ARHGEF4: variants seen among roughly 807,000 people sequenced by gnomAD.
ARHGEF4 encodes Rho guanine nucleotide exchange factor 4.
Under a neutral mutation model 162.0 loss-of-function variants are expected in ARHGEF4, and 119 were observed. The observed-to-expected ratio is 0.73, with a 90% CI of 0.63 to 0.86. The LOEUF is 0.86. ARHGEF4 is among the 40% of genes least tolerant of loss of function. The pLI is 0.00. For synonymous variants in ARHGEF4, 1,014 were observed against 979.9 expected (o/e 1.03, Z -0.65); for missense variants, 2,488 against 2,456.0 (o/e 1.01, Z -0.28).
chr2:130,880,043 A>G (rs1679095166), intron 1 of ARHGEF4, among the ~76,000 whole-genome samples: 1 of 152,200 alleles, frequency 6.6e-6, no homozygotes, highest in Admixed American at 6.5e-5. Context: ...ATTGTGAACC[A>G]CGCTCACACA....
intron 1 of ARHGEF4, among the ~76,000 whole-genome samples, chr2:130,866,950 T>A (rs2104919909): frequency 6.6e-6 from 1 of 152,342 alleles, no homozygotes; most frequent in Non-Finnish European, 1.5e-5. Flanking sequence ...GTATCATTTG[T>A]TCCTTCAATG....
Position 130,917,339 on chromosome 2 carries a change from G to C in ARHGEF4, c.3393G>C (p.Gly1131=), listed in dbSNP as rs981519648. 1.2e-5 allele frequency: 18 copies of C among 1,550,398 alleles called. No individual in the cohort carries two copies. In the African/African-American group the frequency reaches 2.5e-4, roughly 21 times the overall value. Residue 1131 remains glycine (G), a synonymous_variant, in exon 2 of 14, where the codon GGG becomes GGC. Transcript: ENST00000409359. ...GSYSYVDSSS[G]DPERPKIPKG... is the part of the protein sequence containing the mutation. Reference sequence around the variant, plus strand: ...ACAGCTACGTGGACAGCAGTTCAGGGGACCCTGAAAGACCCAAGATTCCCA... The same window carrying C: ...ACAGCTACGTGGACAGCAGTTCAGGCGACCCTGAAAGACCCAAGATTCCCA...
At position 130,915,767 on chromosome 2, in the gene ARHGEF4, G is replaced by C; in HGVS notation, c.1821G>C (p.Gly607=). ...CCGGGGCTGAGGAGGGTGAACAGGGGCCTGGGGGTGCCGGGGGCCGGCAGC... is the reference window on the plus strand; with the variant it reads ...CCGGGGCTGAGGAGGGTGAACAGGGCCCTGGGGGTGCCGGGGGCCGGCAGC... ...CGPGAEEGEQ[G]PGGAGGRQLE... Residue 607 remains glycine, a synonymous_variant, in exon 2 of 14, where the codon GGG becomes GGC. Coordinates refer to ENST00000409359, the MANE Select transcript of ARHGEF4 (RefSeq NM_001367493.1). 4 of 1,531,470 alleles carry C rather than the reference G, an allele frequency of 2.6e-6. No individual in the cohort carries two copies. The highest frequency in any genetic ancestry group is 3.5e-6 in the Non-Finnish European group (4 of 1,137,806). The allele number at this position is 1,531,470 out of a possible 1,614,324, so 94.9% of individuals were successfully genotyped here.
chr2:130,926,048 C>CTTTCTCTCTCTCTCTTTCTTTCTT, intron 2 of ARHGEF4, among the ~76,000 whole-genome samples: 1 of 53,412 alleles, frequency 1.9e-5, no homozygotes, highest in African/African-American at 6.2e-5. Flanking sequence ...TTCTTTCTTT[C>CTTTCTCTCTCTCTCTTTCTTTCTT]TCTTTCTTTC....
intron 8 of ARHGEF4, 27 bp from the exon 9 acceptor site, chr2:131,041,203 C>A: frequency 6.3e-7 from 1 of 1,598,348 alleles, no homozygotes; most frequent in Non-Finnish European, 8.5e-7. Context: ...GCAGAGAGCT[C>A]TGCTAACCTC....
At chr2:131,017,823 C>T (rs1688862288) in intron 4 of ARHGEF4, among the ~76,000 whole-genome samples, 1 of 152,136 alleles carries the variant, frequency 6.6e-6, no homozygotes, top group Admixed American at 6.6e-5. Context: ...ATTCTGTGTT[C>T]ATGGATGGGA....
chr2:130,906,955 A>G (rs2105031134), intron 1 of ARHGEF4, among the ~76,000 whole-genome samples: 1 of 152,234 alleles, frequency 6.6e-6, no homozygotes, highest in Middle Eastern at 3.4e-3. Flanking sequence ...GATTTTGGCA[A>G]ATTTATATCA....
At chr2:130,894,798 C>T (rs1347452260) in intron 1 of ARHGEF4, among the ~76,000 whole-genome samples, 2 of 152,024 alleles carry the variant, frequency 1.3e-5, no homozygotes. Flanking sequence ...TTGGGCAGTC[C>T]CCATCCTCTA....
At chr2:131,039,527 CAG>C in intron 6 of ARHGEF4, 3 of 1,032,606 alleles carry the variant, frequency 2.9e-6, no homozygotes, top group Non-Finnish European at 3.5e-6. Flanking sequence ...AGGCCTGGCT[CAG>C]GGCGTCCAAG....
intron 1 of ARHGEF4, among the ~76,000 whole-genome samples, chr2:130,854,221 C>A (rs2104893114): frequency 6.6e-6 from 1 of 152,316 alleles, no homozygotes; most frequent in South Asian, 2.1e-4. Flanking sequence ...AATTATAGGC[C>A]AAACCCTGTC....
At chr2:130,884,418 G>A (rs920494827) in intron 1 of ARHGEF4, among the ~76,000 whole-genome samples, 3 of 151,996 alleles carry the variant, frequency 2.0e-5, no homozygotes, top group African/African-American at 7.3e-5. Context: ...TAACATTGTC[G>A]AAGCTGCTTA....
chr2:130,994,628 C>T (rs1177023089), intron 4 of ARHGEF4, among the ~76,000 whole-genome samples: 3 of 152,142 alleles, frequency 2.0e-5, no homozygotes, highest in Admixed American at 6.5e-5. Context: ...GCATCTTCAT[C>T]GCTCTTCATT....
At chr2:130,866,167 A>G (rs964457337) in intron 1 of ARHGEF4, among the ~76,000 whole-genome samples, 1 of 152,138 alleles carries the variant, frequency 6.6e-6, no homozygotes, top group South Asian at 2.1e-4. Context: ...GGCCAAGAGT[A>G]TGAGACAGAT....
intron 4 of ARHGEF4, among the ~76,000 whole-genome samples, chr2:130,982,978 G>A (rs1465845967): frequency 6.6e-6 from 1 of 152,138 alleles, no homozygotes; most frequent in African/African-American, 2.4e-5. Context: ...TGAACTATCA[G>A]ATATGAACAT....
chr2:131,043,496 G>A lies in ARHGEF4; in HGVS notation c.5070G>A (p.Gly1690=), dbSNP rs779652378. 1.5e-5 allele frequency: 24 copies of A among 1,613,960 alleles called. No individual in the cohort carries two copies. Among genetic ancestry groups the A allele is most frequent in the Non-Finnish European group, 1.9e-5 (23 of 1,180,028 alleles). Residue 1690 remains glycine, a synonymous_variant, in exon 11 of 14, where the codon GGG becomes GGA. Transcript: ENST00000409359. The stretch of plus-strand genomic sequence containing the variant: ...GGAGCTCAGAACTCATCTACTCGGG[G>A]GAGCTGACTCGAGTTACACAGCCTC... ...LVRSSELIYS[G]ELTRVTQPQA...
At chr2:130,885,564 C>CTTTTTTTTTTTTTTTTT (rs961513941) in intron 1 of ARHGEF4, among the ~76,000 whole-genome samples, 8 of 100,428 alleles carry the variant, frequency 8.0e-5, no homozygotes, top group East Asian at 2.9e-4. Context: ...TTTTCTTATT[C>CTTTTTTTTTTTTTTTTT]TTTTTTTTTT....
At chr2:131,009,079 T>C (rs1688297684) in intron 4 of ARHGEF4, among the ~76,000 whole-genome samples, 1 of 152,250 alleles carries the variant, frequency 6.6e-6, no homozygotes, top group Non-Finnish European at 1.5e-5. Flanking sequence ...TTTCTTGTAG[T>C]AATCATTTGC....
chr2:130,910,022 C>G (rs758315508), intron 1 of ARHGEF4, among the ~76,000 whole-genome samples: 6 of 151,948 alleles, frequency 3.9e-5, no homozygotes, highest in Non-Finnish European at 8.8e-5. Context: ...ATGAGCCACA[C>G]GCTGGTTAAA....
intron 5 of ARHGEF4, among the ~76,000 whole-genome samples, chr2:131,030,219 C>T (rs763946893): frequency 2.1e-5 from 3 of 142,346 alleles, no homozygotes; most frequent in Non-Finnish European, 4.6e-5. Context: ...TGGATTGTCA[C>T]ATCTTGCTGC....
Sources: allele counts gnomAD v4.1 joint callset (sites outside exome capture counted in the v4.1 genomes callset), GRCh38; gene constraint gnomAD v4.1.1; transcripts MANE v1.5; gene names NCBI Gene and HGNC (gene_info 2026-07-23, HGNC 2026-07-21).